Variants in TSPAN9 observed in about 807,000 individuals in gnomAD.
TSPAN9 encodes tetraspanin-9.
In TSPAN9, 16 loss-of-function variants were observed where a neutral mutation model predicts 31.0. That is an observed-to-expected ratio of 0.52 (90% confidence interval 0.35 to 0.78). The LOEUF (loss-of-function observed/expected upper bound fraction) is 0.78, where lower values mean the gene tolerates loss of function less well. TSPAN9 is among the 30% of genes least tolerant of loss of function. The probability of loss-of-function intolerance (pLI) is 0.01; values close to 1 mark genes in which losing one functional copy is unlikely to be tolerated. For missense variants in TSPAN9, 272 were observed against 312.5 expected, an observed-to-expected ratio of 0.87 and a Z score of 0.98; for synonymous variants, 145 against 121.6, an observed-to-expected ratio of 1.19 and a Z score of -1.27.
At position 3,283,107 on chromosome 12, in the gene TSPAN9, C is replaced by T. The variant is rs577812746; in HGVS notation, c.711C>T (p.Tyr237=). ...ACATCCACCGGACTGGTAAGAAGTA[C>T]GACGCATGAGCGGGCTGGCCGGGAG... ...FQHIHRTGKK[Y]DA is the part of the protein sequence containing the mutation. The change falls in exon 9 of 9, where the codon TAC becomes TAT. Residue 237 remains tyrosine, a synonymous_variant. Coordinates refer to ENST00000011898, the MANE Select transcript of TSPAN9 (RefSeq NM_006675.5). The T allele has an allele frequency of 2.3e-5, 37 of 1,608,906 alleles. No homozygotes were observed. The highest frequency in any genetic ancestry group is 8.9e-5 in the East Asian group (4 of 44,858).
chr12:3,232,081 A>G (rs10848834), intron 3 of TSPAN9, among the ~76,000 whole-genome samples: 12,858 of 152,120 alleles, frequency 0.085, 645 homozygotes, highest in Middle Eastern at 0.13. Flanking sequence ...GCAGTCCTGG[A>G]TTTTTCTTTT....
chr12:3,155,171 GT>G (rs1176628428), intron 2 of TSPAN9, among the ~76,000 whole-genome samples: 2 of 152,156 alleles, frequency 1.3e-5, no homozygotes, highest in African/African-American at 4.8e-5. Context: ...TGGTCTGGGG[GT>G]ACCAGCTTGT....
intron 3 of TSPAN9, among the ~76,000 whole-genome samples, chr12:3,244,065 A>G (rs572376815): frequency 6.6e-6 from 1 of 152,298 alleles, no homozygotes; most frequent in South Asian, 2.1e-4. Context: ...TGTAAGCTTT[A>G]GGAGCAGGGC....
At chr12:3,169,095 G>T (rs572433332) in intron 2 of TSPAN9, among the ~76,000 whole-genome samples, 1 of 152,190 alleles carries the variant, frequency 6.6e-6, no homozygotes, top group Non-Finnish European at 1.5e-5. Context: ...ATTTTCACCC[G>T]CCTGTGAGTT....
chr12:3,256,245 C>T (rs892564003), intron 3 of TSPAN9, among the ~76,000 whole-genome samples: 3 of 152,218 alleles, frequency 2.0e-5, no homozygotes, highest in Non-Finnish European at 2.9e-5. Flanking sequence ...AGCCAAACCA[C>T]GTCCGATAGC....
intron 3 of TSPAN9, among the ~76,000 whole-genome samples, chr12:3,277,961 C>T (rs1199978295): frequency 6.6e-6 from 1 of 152,258 alleles, no homozygotes; most frequent in Non-Finnish European, 1.5e-5. Context: ...AGAAACCCGA[C>T]TCCGAGGGTC....
At chr12:3,127,874 C>T (rs768334758) in intron 2 of TSPAN9, among the ~76,000 whole-genome samples, 9 of 152,196 alleles carry the variant, frequency 5.9e-5, no homozygotes, top group Non-Finnish European at 1.2e-4. Flanking sequence ...GATCCTTCCA[C>T]CTCCACCTTC....
At chr12:3,136,535 C>T (rs999689730) in intron 2 of TSPAN9, among the ~76,000 whole-genome samples, 1 of 152,158 alleles carries the variant, frequency 6.6e-6, no homozygotes, top group Non-Finnish European at 1.5e-5. Flanking sequence ...GACAGGACAC[C>T]AAACCCTGTC....
At chr12:3,142,013 G>T (rs1195325165) in intron 2 of TSPAN9, among the ~76,000 whole-genome samples, 1 of 152,210 alleles carries the variant, frequency 6.6e-6, no homozygotes, top group African/African-American at 2.4e-5. Context: ...AAGGCTTGGT[G>T]TCAGGCATTG....
chr12:3,265,599 T>G (rs981386531), intron 3 of TSPAN9, among the ~76,000 whole-genome samples: 1 of 152,200 alleles, frequency 6.6e-6, no homozygotes, highest in African/African-American at 2.4e-5. Flanking sequence ...CGCCCTCGGC[T>G]GGACTGAGCG....
intron 3 of TSPAN9, among the ~76,000 whole-genome samples, chr12:3,273,961 A>G (rs1039821918): frequency 4.6e-5 from 7 of 152,174 alleles, no homozygotes; most frequent in African/African-American, 7.2e-5. Flanking sequence ...CGCTGGAGGG[A>G]ACACATCAGA....
chr12:3,166,953 C>T (rs758820140), intron 2 of TSPAN9, among the ~76,000 whole-genome samples: 28 of 152,060 alleles, frequency 1.8e-4, no homozygotes, highest in Non-Finnish European at 2.6e-4. Flanking sequence ...TGCGCCACCA[C>T]GCCCGGCTAA....
At chr12:3,103,512 G>A (rs1337458785) in intron 2 of TSPAN9, among the ~76,000 whole-genome samples, 1 of 152,162 alleles carries the variant, frequency 6.6e-6, no homozygotes, top group Non-Finnish European at 1.5e-5. Context: ...GGACCTCAAA[G>A]GTCCCTAAAC....
At chr12:3,099,157 C>T (rs1466368267) in intron 2 of TSPAN9, among the ~76,000 whole-genome samples, 3 of 152,040 alleles carry the variant, frequency 2.0e-5, no homozygotes, top group African/African-American at 7.3e-5. Context: ...TTCTGGTACC[C>T]CAATTATATG....
chr12:3,263,725 T>G (rs1409768212), intron 3 of TSPAN9, among the ~76,000 whole-genome samples: 1 of 147,998 alleles, frequency 6.8e-6, no homozygotes, highest in East Asian at 2.0e-4. Context: ...CCCGGCAAAG[T>G]CAGTACTAAC....
chr12:3,256,629 G>A (rs1862351644), intron 3 of TSPAN9, among the ~76,000 whole-genome samples: 1 of 152,214 alleles, frequency 6.6e-6, no homozygotes, highest in Non-Finnish European at 1.5e-5. Context: ...CTTGAGCTGG[G>A]TGCTAATCTC....
chr12:3,095,359 C>A (rs372077808), intron 2 of TSPAN9, among the ~76,000 whole-genome samples: 1 of 150,316 alleles, frequency 6.7e-6, no homozygotes, highest in Non-Finnish European at 1.5e-5. Flanking sequence ...CATTGTCATC[C>A]TGGCCCGTTC....
At chr12:3,244,893 C>T (rs1591702416) in intron 3 of TSPAN9, among the ~76,000 whole-genome samples, 2 of 152,292 alleles carry the variant, frequency 1.3e-5, no homozygotes, top group Admixed American at 1.3e-4. Flanking sequence ...GTGGACACAG[C>T]CTCATCTCTC....
intron 3 of TSPAN9, among the ~76,000 whole-genome samples, chr12:3,215,668 G>A (rs772967161): frequency 1.5e-4 from 23 of 152,182 alleles, no homozygotes; most frequent in Admixed American, 5.2e-4. Flanking sequence ...GCACCCCAGC[G>A]TCTGACACCT....
Sources: gnomAD v4.1 joint callset for allele counts (sites outside exome capture counted in the v4.1 genomes callset) on GRCh38, gnomAD v4.1.1 for gene constraint, MANE v1.5 for transcripts, NCBI Gene and HGNC (gene_info 2026-07-23, HGNC 2026-07-21) for gene names.